LIME1: variants seen among roughly 807,000 people sequenced by gnomAD.
LIME1 encodes Lck interacting transmembrane adaptor 1.
LIME1 carries 23 observed loss-of-function variants against 18.8 expected under a neutral mutation model. That is an observed-to-expected ratio of 1.22 (90% CI 0.88 to 1.73). The LOEUF is 1.73. Among genes scored for constraint, LIME1 ranks in the 40% most tolerant of loss-of-function variants. The probability of loss-of-function intolerance (pLI) is 0.00; values close to 1 mark genes in which losing one functional copy is unlikely to be tolerated. For missense variants in LIME1, 423 were observed against 396.8 expected, an observed-to-expected ratio of 1.07 and a Z score of -0.56; for synonymous variants, 177 against 182.3, an observed-to-expected ratio of 0.97 and a Z score of 0.23.
rs1028287814 is a variant in LIME1 at position 63,738,780 on chromosome 20, C to T, written c.768C>T (p.Ser256=). The part of the protein sequence containing the change: ...DSGPLENVYE[S]IRELGDPAGR... ...GCCCCCTGGAAAACGTGTATGAGAG[C>T]ATCCGGGAGCTGGGGGACCCTGCTG... Residue 256 remains serine (S), a synonymous_variant, in exon 6 of 6, where the codon AGC becomes AGT. Coordinates refer to ENST00000309546, the MANE Select transcript of LIME1 (RefSeq NM_017806.4). The T allele has an allele frequency of 3.1e-6, 5 of 1,613,008 alleles. No individual in the cohort carries two copies. Among genetic ancestry groups the T allele is most frequent in the Non-Finnish European group, 4.2e-6 (5 of 1,179,956 alleles).
chr20:63,736,068 C>A, upstream of LIME1: 1 of 1,131,872 alleles, frequency 8.8e-7, no homozygotes, highest in Non-Finnish European at 1.2e-6. Context: ...CCCATCTGGA[C>A]ACTTACTTGC....
Position 63,738,069 on chromosome 20 carries a change from AGGGCG to A in LIME1, c.268+18_268+22del, listed in dbSNP as rs200548769. 0.12 allele frequency: 105,266 copies of A among 902,846 alleles called. 4,212 individuals carry two copies. The highest frequency in any genetic ancestry group is 0.14 in the Non-Finnish European group (91,549 of 648,806). The allele number at this position is 902,846 out of a possible 1,614,324, so 55.9% of individuals were successfully genotyped here. Reference sequence around the variant, plus strand: ...CCCGCGCAGCAGCAGGGGTGAGCAGAGGGCGGGGCGGGGGCGGCCGGGCGGGGCTT... The same window carrying A: ...CCCGCGCAGCAGCAGGGGTGAGCAGAGGGCGGGGGCGGCCGGGCGGGGCTT... On this transcript the variant is annotated intron_variant, in intron 4 of 5. Transcript: ENST00000309546.
chr20:63,736,596 G>A (rs1342893538), upstream of LIME1: 17 of 986,926 alleles, frequency 1.7e-5, no homozygotes, highest in African/African-American at 5.2e-5. Context: ...GGAGGCTCAG[G>A]GGAGGCGCTT....
chr20:63,735,863 G>C, upstream of LIME1: 1 of 1,612,914 alleles, frequency 6.2e-7, no homozygotes, highest in Non-Finnish European at 8.5e-7. Flanking sequence ...TCAGGAAGCC[G>C]GCCTGCAGCA....
rs1213448319 is a variant in LIME1 at position 63,737,986 on chromosome 20, G to A, written c.194G>A (p.Arg65Gln). Reference protein sequence around the residue: ...ATAAEASLLRRTHLCSLSKSD... With the variant: ...ATAAEASLLRQTHLCSLSKSD... ...CCTCGCCCCCAGTCCCTACTGAGGC[G>A]GACCCACCTCTGCTCCCTCAGCAAG... The change falls in exon 4 of 6, where the codon CGG becomes CAG. Residue 65 changes from arginine (R) to glutamine (Q), a missense_variant. Physicochemically the swap from Arg to Gln is conservative, Grantham distance 43. Transcript: ENST00000309546. 1.3e-6 allele frequency: 2 copies of A among 1,571,264 alleles called. No individual in the cohort carries two copies. The highest frequency in any genetic ancestry group is 1.8e-5 in the Admixed American group (1 of 55,882).
At chr20:63,737,153 G>A in intron 1 of LIME1, 1 of 1,009,962 alleles carries the variant, frequency 9.9e-7, no homozygotes, top group Non-Finnish European at 1.2e-6. Context: ...GACCATGTCT[G>A]GGCAGAGGGT....
chr20:63,737,902 G>A lies in LIME1; in HGVS notation c.180G>A (p.Ala60=), dbSNP rs1601360518. ...AGGGCAGTGCGACGGCGGCGGAAGCGGTGAGTGCCAGGCTGTCCCGGGGAC... is the reference window on the plus strand; with the variant it reads ...AGGGCAGTGCGACGGCGGCGGAAGCAGTGAGTGCCAGGCTGTCCCGGGGAC... ...RLQGSATAAE[A]SLLRRTHLCS... is the part of the protein sequence containing the mutation. Residue 60 remains alanine (A), a splice_region_variant and synonymous_variant, in exon 3 of 6, where the codon GCG becomes GCA. Coordinates refer to ENST00000309546, the MANE Select transcript of LIME1 (RefSeq NM_017806.4). The A allele has an allele frequency of 6.3e-7, 1 of 1,580,370 alleles. No homozygotes were observed. Among genetic ancestry groups the A allele is most frequent in the Admixed American group, 1.7e-5 (1 of 57,148 alleles).
At chr20:63,737,141 G>C in intron 1 of LIME1, 1 of 1,001,966 alleles carries the variant, frequency 1.0e-6, no homozygotes, top group Non-Finnish European at 1.2e-6. Flanking sequence ...CCTGACACAG[G>C]AGACCATGTC....
At chr20:63,736,021 G>A (rs749139184), upstream of LIME1, 11 of 1,493,818 alleles carry the variant, frequency 7.4e-6, no homozygotes, top group South Asian at 1.3e-5. Flanking sequence ...GGCCTGGGGC[G>A]TGCAGACACT....
chr20:63,736,083 C>G, upstream of LIME1: 2 of 950,914 alleles, frequency 2.1e-6, no homozygotes, highest in South Asian at 1.7e-5. Context: ...ACTTGCCCAC[C>G]TGCCAGTGTC....
chr20:63,739,051 G>C lies in LIME1; in HGVS notation c.*151G>C. The C allele has an allele frequency of 3.0e-6, 2 of 669,310 alleles. No individual in the cohort carries two copies. Among genetic ancestry groups the C allele is most frequent in the Non-Finnish European group, 2.4e-6 (1 of 412,740 alleles). The allele number at this position is 669,310 out of a possible 1,614,324, so 41.5% of individuals were successfully genotyped here. ...CCGCTCTGACAGCCGCGGCCTCCCC[G>C]GGCTCCAGAGAAGGCCCGCGTCTAA... On this transcript the variant is annotated 3_prime_UTR_variant, in exon 6 of 6. Coordinates refer to ENST00000309546, the MANE Select transcript of LIME1 (RefSeq NM_017806.4).
chr20:63,735,813 A>G, upstream of LIME1: 2 of 1,611,180 alleles, frequency 1.2e-6, no homozygotes, highest in Non-Finnish European at 1.7e-6. Context: ...CTGCAGGAGA[A>G]GCTGGCAGGA....
chr20:63,738,085 G>GGGGGCA (rs774136689), intron 4 of LIME1, 25 bp downstream of exon 4: 3 of 1,525,436 alleles, frequency 2.0e-6, no homozygotes, highest in Admixed American at 2.0e-5. Flanking sequence ...GGGCGGGGGC[G>GGGGGCA]GCCGGGCGGG....
At chr20:63,736,078 C>T (rs1348997505), upstream of LIME1, 13 of 1,014,496 alleles carry the variant, frequency 1.3e-5, no homozygotes. Context: ...CACTTACTTG[C>T]CCACCTGCCA....
intron 5 of LIME1, 35 bp downstream of exon 5, chr20:63,738,534 G>T: frequency 6.6e-7 from 1 of 1,507,092 alleles, no homozygotes; most frequent in Non-Finnish European, 8.9e-7. Flanking sequence ...TGTGGGTGGG[G>T]CCGGCAGATC....
chr20:63,736,955 G>A, intron 1 of LIME1: 1 of 985,630 alleles, frequency 1.0e-6, no homozygotes, highest in South Asian at 4.7e-5. Flanking sequence ...CTCTGGCAGA[G>A]ACACTGGCAG....
At position 63,738,787 on chromosome 20, in the gene LIME1, G is replaced by C; in HGVS notation, c.775G>C (p.Glu259Gln). 2 of 1,612,934 alleles carry C rather than the reference G, an allele frequency of 1.2e-6. No individual in the cohort carries two copies. Among genetic ancestry groups the C allele is most frequent in the South Asian group, 2.2e-5 (2 of 91,076 alleles). The stretch of plus-strand genomic sequence containing the variant: ...GGAAAACGTGTATGAGAGCATCCGG[G>C]AGCTGGGGGACCCTGCTGGCAGGAG... ...PLENVYESIR[E>Q]LGDPAGRSST... Residue 259 changes from glutamate to glutamine, a missense_variant, in exon 6 of 6, where the codon GAG (glutamate) becomes CAG (glutamine). Physicochemically the swap from Glu to Gln is conservative, Grantham distance 29 (BLOSUM62 2). Transcript: ENST00000309546.
chr20:63,738,274 C>CGGT lies in LIME1; in HGVS notation c.360_361insGGT (p.Phe120_Pro121insGly). ...GACCGCAGGCAGCCCCCTCTGCCTT[C>CGGT]CCACACCAGGAGCTGCCCCGGGCTC... On this transcript the variant is annotated inframe_insertion, in exon 5 of 6. Transcript: ENST00000309546. 1 of 1,583,438 alleles carries CGGT rather than the reference C, an allele frequency of 6.3e-7. No individual in the cohort carries two copies. The highest frequency in any genetic ancestry group is 8.6e-7 in the Non-Finnish European group (1 of 1,169,474).
chr20:63,738,692 T>C lies in LIME1; in HGVS notation c.680T>C (p.Leu227Pro). The change falls in exon 6 of 6, where the codon CTG becomes CCG. Residue 227 changes from leucine to proline, a missense_variant. Leu to Pro is a moderately conservative substitution (Grantham distance 98). Coordinates refer to ENST00000309546, the MANE Select transcript of LIME1 (RefSeq NM_017806.4). ...GACCCCAAGGGCCAGGGAGCGATTC[T>C]GGCCCTGGCGGGTGACCTGGCCTAC... ...PLDPKGQGAI[L>P]ALAGDLAYQT... The C allele has an allele frequency of 6.2e-7, 1 of 1,612,870 alleles. No homozygotes were observed. Among genetic ancestry groups the C allele is most frequent in the Non-Finnish European group, 8.5e-7 (1 of 1,179,858 alleles).
Sources: gnomAD v4.1 joint callset for allele counts on GRCh38, gnomAD v4.1.1 for gene constraint, MANE v1.5 for transcripts, NCBI Gene and HGNC (gene_info 2026-07-23, HGNC 2026-07-21) for gene names.